Variants in RBFOX1 observed in about 807,000 individuals in gnomAD.
RBFOX1 encodes RNA binding fox-1 homolog 1.
Under a neutral mutation model 57.7 loss-of-function variants are expected in RBFOX1, and 8 were observed. The observed-to-expected ratio is 0.14, with a 90% CI of 0.08 to 0.25. The LOEUF (loss-of-function observed/expected upper bound fraction) is 0.25. RBFOX1 is among the 10% of genes least tolerant of loss of function. The probability of loss-of-function intolerance (pLI) is 1.00; values close to 1 mark genes in which losing one functional copy is unlikely to be tolerated. For synonymous variants in RBFOX1, 326 were observed against 222.4 expected (o/e 1.47, Z -4.15); for missense variants, 611 against 548.5 (o/e 1.11, Z -1.14).
intron 1 of RBFOX1, among the ~76,000 whole-genome samples, chr16:5,465,886 T>TG (rs1567551757): frequency 1.3e-5 from 2 of 152,150 alleles, no homozygotes; most frequent in Non-Finnish European, 2.9e-5. Flanking sequence ...CCTGAGACCT[T>TG]GGGCAGCAGA....
intron 2 of RBFOX1, among the ~76,000 whole-genome samples, chr16:5,504,744 C>A (rs2043321524): frequency 6.6e-6 from 1 of 152,186 alleles, no homozygotes; most frequent in South Asian, 2.1e-4. Flanking sequence ...GGGAAGGAAC[C>A]CTCACCAGCC....
At chr16:6,548,580 A>G (rs2096927268) in intron 2 of RBFOX1, among the ~76,000 whole-genome samples, 1 of 152,240 alleles carries the variant, frequency 6.6e-6, no homozygotes, top group Admixed American at 6.5e-5. Context: ...TGACAAAGAT[A>G]CAAATAAAAC....
chr16:7,182,894 C>G (rs1053836597), intron 4 of RBFOX1, among the ~76,000 whole-genome samples: 2 of 152,168 alleles, frequency 1.3e-5, no homozygotes, highest in East Asian at 1.9e-4. Flanking sequence ...CTTCCCTGTT[C>G]ACAACAATTA....
At chr16:6,302,959 C>G (rs538122959) in intron 1 of RBFOX1, among the ~76,000 whole-genome samples, 2 of 152,336 alleles carry the variant, frequency 1.3e-5, no homozygotes, top group South Asian at 4.2e-4. Context: ...AGTGAAGGCA[C>G]TTCACATATT....
At chr16:6,218,605 G>A (rs1025631326) in intron 1 of RBFOX1, among the ~76,000 whole-genome samples, 3 of 152,144 alleles carry the variant, frequency 2.0e-5, no homozygotes, top group Admixed American at 6.5e-5. Flanking sequence ...CCACTGCGCC[G>A]GCCTTAGTAA....
At chr16:6,906,870 C>G (rs1002075172) in intron 3 of RBFOX1, among the ~76,000 whole-genome samples, 11 of 151,890 alleles carry the variant, frequency 7.2e-5, no homozygotes, top group Admixed American at 2.6e-4. Flanking sequence ...TTACAGGCAC[C>G]TGCCACCCCA....
chr16:6,907,347 A>T (rs2070291355), intron 3 of RBFOX1, among the ~76,000 whole-genome samples: 1 of 152,168 alleles, frequency 6.6e-6, no homozygotes, highest in African/African-American at 2.4e-5. Flanking sequence ...GAAACAGTGT[A>T]TCGAGCTGTC....
intron 3 of RBFOX1, among the ~76,000 whole-genome samples, chr16:6,929,159 C>T (rs898012684): frequency 6.6e-6 from 1 of 152,114 alleles, no homozygotes. Context: ...CTCCTGGATA[C>T]CCTACTACCT....
chr16:6,885,473 G>A (rs2063799245), intron 3 of RBFOX1, among the ~76,000 whole-genome samples: 1 of 152,170 alleles, frequency 6.6e-6, no homozygotes, highest in African/African-American at 2.4e-5. Context: ...GATTCCTGGA[G>A]ACTTTCTTGA....
chr16:7,286,007 T>C (rs2095644092), intron 4 of RBFOX1, among the ~76,000 whole-genome samples: 1 of 152,182 alleles, frequency 6.6e-6, no homozygotes, highest in Non-Finnish European at 1.5e-5. Flanking sequence ...CTGAGTTTTG[T>C]TTGTTTGTCT....
intron 3 of RBFOX1, among the ~76,000 whole-genome samples, chr16:6,923,343 G>T (rs1050699359): frequency 6.6e-6 from 1 of 152,076 alleles, no homozygotes; most frequent in African/African-American, 2.4e-5. Context: ...AGACCAGCCT[G>T]GCCAACATGG....
chr16:6,922,609 T>C (rs370475986), intron 3 of RBFOX1, among the ~76,000 whole-genome samples: 2 of 152,232 alleles, frequency 1.3e-5, no homozygotes, highest in African/African-American at 2.4e-5. Flanking sequence ...GTGATTCTTT[T>C]ACTTGCTGAC....
In RBFOX1 at chr16:5,956,678, A is replaced by ATATAT. The variant is rs368096576; in HGVS notation, c.351+89344_351+89345insATATT. 1.8e-3 allele frequency among the ~76,000 whole-genome samples: 213 copies of ATATAT among 116,470 alleles called. 5 individuals are homozygous for ATATAT. The highest frequency in any genetic ancestry group is 7.2e-3 in the African/African-American group (209 of 28,926). 76.4% of individuals were successfully genotyped at this position (116,470 alleles called of 152,430 possible). ...TATATTTATATATATATATATATAT[A>ATATAT]TTTTTTTTGAGGCACAGTCTCATCC... On this transcript the variant is annotated intron_variant, in intron 4 of 19. Transcript: ENST00000641259.
At chr16:7,629,171 G>C (rs2060536284) in intron 10 of RBFOX1, among the ~76,000 whole-genome samples, 1 of 152,116 alleles carries the variant, frequency 6.6e-6, no homozygotes, top group African/African-American at 2.4e-5. Flanking sequence ...TTCTCCCTGG[G>C]AAAAAGTGGA....
intron 1 of RBFOX1, among the ~76,000 whole-genome samples, chr16:6,206,579 G>A (rs186495937): frequency 9.3e-4 from 142 of 152,224 alleles, no homozygotes; most frequent in African/African-American, 3.1e-3. Context: ...AATGTTTGTT[G>A]AATATATTAA....
chr16:7,220,271 G>C (rs764921953), intron 4 of RBFOX1, among the ~76,000 whole-genome samples: 1 of 152,148 alleles, frequency 6.6e-6, no homozygotes, highest in Non-Finnish European at 1.5e-5. Context: ...TGGGCGTCTG[G>C]TCCTGCCCAT....
chr16:6,058,153 G>C (rs1190319719), intron 1 of RBFOX1, among the ~76,000 whole-genome samples: 4 of 152,102 alleles, frequency 2.6e-5, no homozygotes. Context: ...GGGTGGAATG[G>C]AGAAATGCAA....
intron 3 of RBFOX1, among the ~76,000 whole-genome samples, chr16:6,996,237 C>T (rs1242249892): frequency 1.3e-5 from 2 of 152,134 alleles, no homozygotes; most frequent in Non-Finnish European, 2.9e-5. Flanking sequence ...CTTAGTTTAG[C>T]CTTTGCTTTT....
chr16:6,655,373 C>CAAAAAAAAAA (rs71406388), intron 3 of RBFOX1, among the ~76,000 whole-genome samples: 908 of 33,646 alleles, frequency 0.027, 201 homozygotes, highest in Non-Finnish European at 0.036. Context: ...GCCTCCGTTT[C>CAAAAAAAAAA]AAAAAAAAAA....
Sources: allele counts gnomAD v4.1 joint callset (sites outside exome capture counted in the v4.1 genomes callset), GRCh38; gene constraint gnomAD v4.1.1; transcripts MANE v1.5; gene names NCBI Gene and HGNC (gene_info 2026-07-23, HGNC 2026-07-21).